Variants in CACNA1E observed in about 807,000 individuals in gnomAD.
The protein encoded by CACNA1E is voltage-dependent R-type calcium channel subunit alpha-1E.
In CACNA1E, 40 loss-of-function variants were observed where a neutral mutation model predicts 259.2. The observed-to-expected ratio is 0.15, with a 90% CI of 0.12 to 0.20. CACNA1E has a LOEUF of 0.20. Among genes scored for constraint, CACNA1E ranks in the 10% least tolerant of loss-of-function variants. CACNA1E has a pLI of 1.00. For synonymous variants in CACNA1E, 1,104 were observed against 1,138.5 expected, an observed-to-expected ratio of 0.97 and a Z score of 0.61; for missense variants, 1,874 against 3,040.1, an observed-to-expected ratio of 0.62 and a Z score of 9.02.
chr1:181,582,418 G>A (rs1206831022), intron 6 of CACNA1E, among the ~76,000 whole-genome samples: 1 of 152,250 alleles, frequency 6.6e-6, no homozygotes. Flanking sequence ...AGGAATTGCA[G>A]CACTGGCCCT....
chr1:181,772,029 A>G, intron 36 of CACNA1E, 37 bp from the exon 37 acceptor site: 2 of 1,597,094 alleles, frequency 1.3e-6, no homozygotes, highest in South Asian at 1.1e-5. Flanking sequence ...GGATCTGCAG[A>G]GCTGCTCCTG....
At chr1:181,617,362 C>T (rs184683796) in intron 6 of CACNA1E, among the ~76,000 whole-genome samples, 71 of 151,842 alleles carry the variant, frequency 4.7e-4, no homozygotes, top group Admixed American at 1.6e-3. Flanking sequence ...GTAGCTGGAA[C>T]ATCCTAAGTC....
intron 6 of CACNA1E, among the ~76,000 whole-genome samples, chr1:181,608,091 T>C (rs1467832360): frequency 1.3e-5 from 2 of 152,152 alleles, no homozygotes; most frequent in Non-Finnish European, 2.9e-5. Context: ...TCAACCTGCC[T>C]GAATTGCCAC....
rs1009091986 is a variant in CACNA1E, at chr1:181,739,216, G to T, written c.3682G>T (p.Val1228Leu). 1 of 1,613,696 alleles carries T rather than the reference G, an allele frequency of 6.2e-7. No individual in the cohort carries two copies. The highest frequency in any genetic ancestry group is 8.5e-7 in the Non-Finnish European group (1 of 1,179,712). Reference protein sequence around the residue: ...FRDLWNILDFVVVVGALVAFA... With the variant: ...FRDLWNILDFLVVVGALVAFA... ...AGACTTGTGGAACATCCTGGACTTT[G>T]TGGTGGTCGTTGGCGCATTGGTGGC... Residue 1228 changes from valine to leucine, a missense_variant, in exon 25 of 48, where the codon GTG (valine) becomes TTG (leucine). Physicochemically the swap from Val to Leu is conservative, Grantham distance 32. Around this residue, in one of 14 missense-constraint regions of CACNA1E, gnomAD observed 188 missense variants for 540.6 expected, o/e 0.35. Coordinates refer to ENST00000367573, the MANE Select transcript of CACNA1E (RefSeq NM_001205293.3).
intron 6 of CACNA1E, among the ~76,000 whole-genome samples, chr1:181,585,549 G>A (rs1281644779): frequency 6.6e-6 from 1 of 152,180 alleles, no homozygotes; most frequent in Non-Finnish European, 1.5e-5. Flanking sequence ...TGGTATATCA[G>A]ATAGTGATAG....
At chr1:181,423,171 A>G (rs892861091) in intron 2 of CACNA1E, among the ~76,000 whole-genome samples, 2 of 152,124 alleles carry the variant, frequency 1.3e-5, no homozygotes, top group Admixed American at 1.3e-4. Flanking sequence ...CATTATCTCA[A>G]ACTGACAGGC....
chr1:181,426,942 A>T (rs925415783), intron 2 of CACNA1E, among the ~76,000 whole-genome samples: 1 of 116,976 alleles, frequency 8.5e-6, no homozygotes, highest in African/African-American at 3.4e-5. Flanking sequence ...ACCGCTGCCC[A>T]TCTCAACCCC....
At chr1:181,442,085 G>C (rs1030985373) in intron 2 of CACNA1E, among the ~76,000 whole-genome samples, 2 of 152,178 alleles carry the variant, frequency 1.3e-5, no homozygotes, top group Non-Finnish European at 2.9e-5. Context: ...GCTGCAAAAA[G>C]TAGCAGCTCT....
intron 2 of CACNA1E, among the ~76,000 whole-genome samples, chr1:181,460,870 A>C (rs16857359): frequency 0.027 from 4,108 of 152,280 alleles, 199 homozygotes; most frequent in African/African-American, 0.092. Context: ...TGTGGCCTTT[A>C]AGTTTCTCAT....
At chr1:181,696,899 C>G (rs1173026459) in intron 7 of CACNA1E, among the ~76,000 whole-genome samples, 1 of 152,148 alleles carries the variant, frequency 6.6e-6, no homozygotes, top group Non-Finnish European at 1.5e-5. Context: ...TCATAGGAAT[C>G]CATTTCTAGT....
intron 3 of CACNA1E, among the ~76,000 whole-genome samples, chr1:181,559,854 G>A: frequency 6.6e-6 from 1 of 152,120 alleles, no homozygotes; most frequent in Middle Eastern, 3.2e-3. Context: ...AAAAAGTTGA[G>A]GAAACAGGAG....
chr1:181,576,050 A>G (rs1304343577), intron 3 of CACNA1E, among the ~76,000 whole-genome samples: 1 of 152,180 alleles, frequency 6.6e-6, no homozygotes, highest in Non-Finnish European at 1.5e-5. Context: ...AGATAGAGTC[A>G]AAAGGAGTGT....
intron 40 of CACNA1E, 48 bp from the exon 41 acceptor site, chr1:181,784,613 G>T: frequency 1.5e-6 from 2 of 1,306,046 alleles, no homozygotes; most frequent in Non-Finnish European, 2.2e-6. Flanking sequence ...CCTCAGTCCT[G>T]GTTATTTCTG....
At chr1:181,451,291 C>A (rs560922963) in intron 2 of CACNA1E, among the ~76,000 whole-genome samples, 1 of 152,160 alleles carries the variant, frequency 6.6e-6, no homozygotes, top group African/African-American at 2.4e-5. Flanking sequence ...AGTGCCCTTG[C>A]CATACCAGAT....
Position 181,434,681 on chromosome 1 carries a change from G to A in CACNA1E, c.434+21101G>A, listed in dbSNP as rs191112743. ...ACCTTGAAGTGGAAGTGAACTTGAG[G>A]AGTTCAATCAAAATTCAGAAGCAGG... On this transcript the variant is annotated intron_variant, in intron 2 of 11. Coordinates refer to the CACNA1E transcript ENST00000524607. 2.7e-3 allele frequency among the ~76,000 whole-genome samples: 413 copies of A among 152,292 alleles called. 2 individuals carry two copies. Among genetic ancestry groups the A allele is most frequent in the Non-Finnish European group, 4.9e-3 (335 of 68,022 alleles).
At chr1:181,461,422 A>T (rs6696975) in intron 2 of CACNA1E, among the ~76,000 whole-genome samples, 61,560 of 150,902 alleles carry the variant, frequency 0.41, 14,098 homozygotes, top group African/African-American at 0.64. Flanking sequence ...GCGCCTGTAG[A>T]CCCAGCTACT....
rs917341645 is a variant in CACNA1E at position 181,432,245 on chromosome 1, C to G, written c.434+18665C>G. ...GTTTAATTTTTATCAAGAGACCTTC[C>G]TGAAGCCAAGGGCCCTGGAAATGGC... On this transcript the variant is annotated intron_variant, in intron 2 of 11. Coordinates refer to the CACNA1E transcript ENST00000524607. 2.6e-5 allele frequency among the ~76,000 whole-genome samples: 4 copies of G among 152,218 alleles called. No homozygotes were observed. In the Middle Eastern group the frequency reaches 0.014, roughly 518 times the overall value.
intron 3 of CACNA1E, among the ~76,000 whole-genome samples, chr1:181,524,850 T>C (rs1017109586): frequency 6.6e-5 from 10 of 152,180 alleles, no homozygotes; most frequent in African/African-American, 1.9e-4. Context: ...AGCAACAACC[T>C]TGCCCTGTGG....
At chr1:181,629,950 A>ACATT (rs1656556383) in intron 6 of CACNA1E, among the ~76,000 whole-genome samples, 1 of 152,180 alleles carries the variant, frequency 6.6e-6, no homozygotes, top group South Asian at 2.1e-4. Context: ...TCCTGGAGGC[A>ACATT]CATTCACAGT....
Sources: gnomAD v4.1 joint callset for allele counts (sites outside exome capture counted in the v4.1 genomes callset) on GRCh38, gnomAD v4.1.1 for gene constraint, gnomAD v4.1.1 regional missense constraint, MANE v1.5 for transcripts, NCBI Gene and HGNC (gene_info 2026-07-23, HGNC 2026-07-21) for gene names.